The following RAE1 variants were observed in gnomAD, a reference collection of about 807,000 sequenced individuals.
RAE1 encodes ribonucleic acid export 1.
RAE1 carries 13 observed loss-of-function variants against 52.7 expected under a neutral mutation model. The observed-to-expected ratio is 0.25, with a 90% confidence interval of 0.16 to 0.39. The LOEUF (loss-of-function observed/expected upper bound fraction) is 0.39, where lower values mean the gene tolerates loss of function less well. Ranked by LOEUF, RAE1 falls within the 10% of genes least tolerant of loss-of-function variation. The pLI, the probability that RAE1 is intolerant of heterozygous loss-of-function variation, is 1.00. For synonymous variants in RAE1, 164 were observed against 153.1 expected, an observed-to-expected ratio of 1.07 and a Z score of -0.52; for missense variants, 262 against 459.8, an observed-to-expected ratio of 0.57 and a Z score of 3.93.
intron 4 of RAE1, chr20:57,358,982 C>G (rs368823496): frequency 6.7e-7 from 1 of 1,502,408 alleles, no homozygotes; most frequent in Non-Finnish European, 8.8e-7. Flanking sequence ...CGCCTCTTCA[C>G]GGATAGATCA....
chr20:57,352,292 A>G lies in RAE1; in HGVS notation c.-8+870A>G, dbSNP rs150861985. Among the ~76,000 whole-genome samples the G allele has an allele frequency of 1.2e-3, 183 of 152,308 alleles. 3 individuals carry two copies. Among genetic ancestry groups the G allele is most frequent in the Non-Finnish European group, 1.0e-3 (71 of 68,016 alleles). ...CACCCCAAGAAGTTCGGAGGAGGCAACTTTTGAACTGGGATATGAAGATTC... is the reference window on the plus strand; with the variant it reads ...CACCCCAAGAAGTTCGGAGGAGGCAGCTTTTGAACTGGGATATGAAGATTC... On this transcript the variant is annotated intron_variant, in intron 1 of 11. Transcript: ENST00000395841.
chr20:57,355,745 G>T (rs143929397), intron 3 of RAE1, among the ~76,000 whole-genome samples: 31 of 152,304 alleles, frequency 2.0e-4, no homozygotes, highest in African/African-American at 7.2e-4. Context: ...TTGAACTGTA[G>T]CCTACAGCAC....
At chr20:57,374,422 A>G (rs2067081400) in intron 10 of RAE1, among the ~76,000 whole-genome samples, 185 bp from the exon 11 acceptor site, 1 of 152,154 alleles carries the variant, frequency 6.6e-6, no homozygotes, top group South Asian at 2.1e-4. Context: ...AGGAGGCAAG[A>G]TTGGGTTCTG....
intron 11 of RAE1, among the ~76,000 whole-genome samples, chr20:57,376,174 T>G (rs1346566044): frequency 6.6e-6 from 1 of 152,210 alleles, no homozygotes; most frequent in African/African-American, 2.4e-5. Flanking sequence ...CTCTGACCCC[T>G]CCAGGCCTGC....
At chr20:57,353,340 C>T (rs1436197983) in intron 1 of RAE1, among the ~76,000 whole-genome samples, 2 of 152,176 alleles carry the variant, frequency 1.3e-5, no homozygotes, top group Non-Finnish European at 2.9e-5. Flanking sequence ...AAAATGAAGA[C>T]TGGTGAGATT....
chr20:57,351,379 C>T lies in RAE1; in HGVS notation c.-51C>T. On this transcript the variant is annotated 5_prime_UTR_variant, in exon 1 of 12. Transcript: ENST00000395841. ...AGCAGGTTCGCAAACTCCTCAGACC[C>T]TTCTGCTCCCGGCCGCCGCTTTCCG... 1 of 985,536 alleles carries T rather than the reference C, an allele frequency of 1.0e-6. No homozygotes were observed. The highest frequency in any genetic ancestry group is 1.7e-5 in the African/African-American group (1 of 57,374). 61.0% of individuals were successfully genotyped at this position (985,536 alleles called of 1,614,324 possible).
chr20:57,365,486 A>G, intron 5 of RAE1, 44 bp downstream of exon 5: 1 of 1,370,120 alleles, frequency 7.3e-7, no homozygotes, highest in Non-Finnish European at 1.0e-6. Flanking sequence ...ACTGGTACCC[A>G]GGACTGTGAT....
Position 57,351,381 on chromosome 20 carries a change from T to C in RAE1, c.-49T>C, listed in dbSNP as rs928194044. Reference sequence around the variant, plus strand: ...CAGGTTCGCAAACTCCTCAGACCCTTCTGCTCCCGGCCGCCGCTTTCCGCC... The same window carrying C: ...CAGGTTCGCAAACTCCTCAGACCCTCCTGCTCCCGGCCGCCGCTTTCCGCC... On this transcript the variant is annotated 5_prime_UTR_variant, in exon 1 of 12. Transcript: ENST00000395841. 9 of 985,310 alleles carry C rather than the reference T, an allele frequency of 9.1e-6. No homozygotes were observed. The East Asian group carries it at 1.0e-3, about 112-fold the overall frequency. 61.0% of individuals were successfully genotyped at this position (985,310 alleles called of 1,614,324 possible). A position where few individuals can be genotyped will look rare whatever the true frequency, so the allele number is the denominator to read the frequency against.
At chr20:57,358,320 A>G (rs1600709282) in intron 4 of RAE1, 1 of 151,604 alleles carries the variant, frequency 6.6e-6, no homozygotes, top group Admixed American at 6.6e-5. Flanking sequence ...AAGGAACGCT[A>G]TCGCGATAAG....
chr20:57,359,788 A>G (rs769180412), intron 4 of RAE1: 1 of 152,164 alleles, frequency 6.6e-6, no homozygotes, highest in Admixed American at 6.5e-5. Flanking sequence ...TTTCTAGTTA[A>G]TGCATTATGC....
chr20:57,374,554 C>A (rs1337240280), intron 10 of RAE1, 53 bp from the exon 11 acceptor site: 16 of 1,522,206 alleles, frequency 1.1e-5, no homozygotes, highest in Admixed American at 1.9e-5. Context: ...GTGGGTGGAA[C>A]CTTCTCTGCG....
chr20:57,372,417 C>T (rs2146173295), intron 8 of RAE1: 1 of 152,406 alleles, frequency 6.6e-6, no homozygotes. Flanking sequence ...GGCCTTTGCA[C>T]AGGGCCAGTG....
intron 4 of RAE1, among the ~76,000 whole-genome samples, chr20:57,363,398 AG>A (rs1188420621): frequency 6.6e-6 from 1 of 152,182 alleles, no homozygotes; most frequent in African/African-American, 2.4e-5. Context: ...CTGTAGTCCC[AG>A]CTACTTGGGA....
chr20:57,378,277 C>G lies in RAE1; in HGVS notation c.*178C>G. 1 of 555,460 alleles carries G rather than the reference C, an allele frequency of 1.8e-6. No individual in the cohort carries two copies. The highest frequency in any genetic ancestry group is 3.2e-6 in the Non-Finnish European group (1 of 311,838). 34.4% of individuals were successfully genotyped at this position (555,460 alleles called of 1,614,324 possible). ...AGGCGTCCGCGGCGACTTGCCGTCTCTCCATTCCACTGCCTGTTGCAGAGT... is the reference window on the plus strand; with the variant it reads ...AGGCGTCCGCGGCGACTTGCCGTCTGTCCATTCCACTGCCTGTTGCAGAGT... On this transcript the variant is annotated 3_prime_UTR_variant, in exon 12 of 12. Transcript: ENST00000395841.
intron 8 of RAE1, among the ~76,000 whole-genome samples, chr20:57,369,250 G>A (rs142238519): frequency 6.6e-6 from 1 of 152,370 alleles, no homozygotes; most frequent in African/African-American, 2.4e-5. Flanking sequence ...TCAGGGCATG[G>A]CCCAAAACAG....
At position 57,374,039 on chromosome 20, in the gene RAE1, G is replaced by A. The variant is rs1600728128; in HGVS notation, c.825+301G>A. Among the ~76,000 whole-genome samples the A allele has an allele frequency of 2.6e-5, 4 of 152,122 alleles. No homozygotes were observed. The South Asian group carries it at 8.3e-4, about 32-fold the overall frequency. ...CTCCCAAGTAGTTGGGACTACAGGC[G>A]CCCAGCTAATTTTTGTATTTTTAGT... On this transcript the variant is annotated intron_variant, in intron 10 of 11. Coordinates refer to ENST00000395841, the MANE Select transcript of RAE1 (RefSeq NM_003610.4).
rs911678990 is a variant in RAE1, at chr20:57,367,280, A to G, written c.534+201A>G. ...GTGCTGCGTTTCTTTTAGAAGTACT[A>G]AATGCTGGATGTCAAGTTTTCCTGC... On this transcript the variant is annotated intron_variant, in intron 7 of 11. Coordinates refer to ENST00000395841, the MANE Select transcript of RAE1 (RefSeq NM_003610.4). Among the ~76,000 whole-genome samples, 3 of 152,042 alleles carry G rather than the reference A, an allele frequency of 2.0e-5. No homozygotes were observed. The Admixed American group carries it at 2.0e-4, about 10-fold the overall frequency.
chr20:57,367,149 G>A (rs188457729), intron 7 of RAE1, 70 bp downstream of exon 7: 34 of 1,324,306 alleles, frequency 2.6e-5, no homozygotes, highest in East Asian at 1.4e-4. Flanking sequence ...ACCTTGTGGC[G>A]TCCTGCAGTT....
intron 8 of RAE1, among the ~76,000 whole-genome samples, chr20:57,369,493 G>A (rs1006359610): frequency 6.6e-6 from 1 of 152,238 alleles, no homozygotes; most frequent in Non-Finnish European, 1.5e-5. Flanking sequence ...CTCTGCAGAT[G>A]CAGATCTCCC....
Sources: gnomAD v4.1 joint callset for allele counts (sites outside exome capture counted in the v4.1 genomes callset) on GRCh38, gnomAD v4.1.1 for gene constraint, MANE v1.5 for transcripts, NCBI Gene and HGNC (gene_info 2026-07-23, HGNC 2026-07-21) for gene names.